The following POLH variants were observed in gnomAD, a reference collection of about 807,000 sequenced individuals.
POLH encodes the protein DNA polymerase eta, also known as DNA polymerase eta transcript.
POLH carries 53 observed loss-of-function variants against 73.6 expected under a neutral mutation model. The observed-to-expected ratio is 0.72, with a 90% confidence interval of 0.58 to 0.91. The LOEUF is 0.91. Among genes scored for constraint, POLH ranks in the 40% least tolerant of loss-of-function variants. The pLI is 0.00. For missense variants in POLH, 768 were observed against 865.4 expected, an observed-to-expected ratio of 0.89 and a Z score of 1.41; for synonymous variants, 292 against 308.5, an observed-to-expected ratio of 0.95 and a Z score of 0.56.
At position 43,613,712 on chromosome 6, in the gene POLH, G is replaced by A. The variant is rs1039201802; in HGVS notation, c.1297G>A (p.Ala433Thr). The A allele has an allele frequency of 1.2e-6, 2 of 1,613,788 alleles. No individual in the cohort carries two copies. Among genetic ancestry groups the A allele is most frequent in the African/African-American group, 2.7e-5 (2 of 74,886 alleles). Residue 433 changes from alanine to threonine, a missense_variant, in exon 11 of 11, where the codon GCC becomes ACC. Ala to Thr is a moderately conservative substitution (Grantham distance 58). Transcript: ENST00000372236. Reference sequence around the variant, plus strand: ...CTGTGCTACAAAATTTTCTGCCTCTGCCCCTTCATCTTCTACAGACATCAC... The same window carrying A: ...CTGTGCTACAAAATTTTCTGCCTCTACCCCTTCATCTTCTACAGACATCAC... ...FLCATKFSAS[A>T]PSSSTDITSF...
At chr6:43,578,523 T>TAA (rs1763649368) in intron 1 of POLH, 2 of 319,410 alleles carry the variant, frequency 6.3e-6, no homozygotes, top group South Asian at 2.5e-5. Context: ...AGACTTTGTC[T>TAA]CAAAAAAAAA....
intron 4 of POLH, among the ~76,000 whole-genome samples, chr6:43,589,636 T>G (rs958612445): frequency 5.3e-5 from 8 of 151,472 alleles, no homozygotes; most frequent in African/African-American, 1.7e-4. Context: ...TAGTTCCTTG[T>G]CTTTTTTTTT....
Position 43,616,279 on chromosome 6 carries a change from CAAAAAAA to C in POLH, c.*1732_*1738del, listed in dbSNP as rs895274732. On this transcript the variant is annotated 3_prime_UTR_variant, in exon 11 of 11. Transcript: ENST00000372236. ...TGGGTGACAGAGCGAGACTCCGTCTCAAAAAAAAAAAAAAAAGAAAAACTTCTCTTTA... is the reference window on the plus strand; with the variant it reads ...TGGGTGACAGAGCGAGACTCCGTCTCAAAAAAAAAGAAAAACTTCTCTTTA... 4.0e-5 allele frequency among the ~76,000 whole-genome samples: 3 copies of C among 74,076 alleles called. No individual in the cohort carries two copies. Among genetic ancestry groups the C allele is most frequent in the Non-Finnish European group, 5.5e-5 (2 of 36,458 alleles). 48.6% of individuals were successfully genotyped at this position (74,076 alleles called of 152,430 possible).
At chr6:43,608,098 C>A (rs1416090006) in intron 9 of POLH, among the ~76,000 whole-genome samples, 2 of 152,090 alleles carry the variant, frequency 1.3e-5, no homozygotes, top group Non-Finnish European at 2.9e-5. Context: ...CCATTGCACT[C>A]CAGCATGAGC....
intron 1 of POLH, among the ~76,000 whole-genome samples, chr6:43,581,859 G>A (rs1352336129): frequency 1.3e-5 from 2 of 150,442 alleles, no homozygotes; most frequent in African/African-American, 4.8e-5. Flanking sequence ...ACCCCAGCCC[G>A]CGGCGCCTTC....
Position 43,591,528 on chromosome 6 carries a change from A to T in POLH, c.490+4039A>T, listed in dbSNP as rs189048171. Among the ~76,000 whole-genome samples, 206 of 152,168 alleles carry T rather than the reference A, an allele frequency of 1.4e-3. 1 individual carries two copies. The highest frequency in any genetic ancestry group is 3.6e-3 in the Admixed American group (55 of 15,274). On this transcript the variant is annotated intron_variant, in intron 4 of 10. Transcript: ENST00000372236. ...GAGACGGGGTTTCGCCATGTTGGTC[A>T]GGCTGGTCTCAAACTCCTGGCATCA...
chr6:43,609,934 T>C, intron 9 of POLH, among the ~76,000 whole-genome samples: 1 of 152,122 alleles, frequency 6.6e-6, no homozygotes, highest in East Asian at 1.9e-4. Context: ...CGATGTTCCA[T>C]AATCCAAATT....
At chr6:43,582,972 A>G (rs1479826657) in intron 2 of POLH, 35 bp from the exon 3 acceptor site, 1 of 1,586,478 alleles carries the variant, frequency 6.3e-7, no homozygotes, top group Non-Finnish European at 8.6e-7. Context: ...TGATCATATA[A>G]TATGTTTTCT....
chr6:43,603,667 A>G (rs1448066858), intron 6 of POLH, among the ~76,000 whole-genome samples: 1 of 152,192 alleles, frequency 6.6e-6, no homozygotes, highest in African/African-American at 2.4e-5. Context: ...AACGTTTTAT[A>G]TACAGTTTAC....
rs925292040 is a variant in POLH at position 43,595,017 on chromosome 6, G to T, written c.491-2679G>T. Among the ~76,000 whole-genome samples the T allele has an allele frequency of 2.0e-5, 3 of 152,058 alleles. No homozygotes were observed. In the South Asian group the frequency reaches 6.2e-4, roughly 32 times the overall value. On this transcript the variant is annotated intron_variant, in intron 4 of 10. Coordinates refer to ENST00000372236, the MANE Select transcript of POLH (RefSeq NM_006502.3). ...GTTTGAGACCATCCTTGGTGACATG[G>T]TGAAACCCCGTCTCTACAAAAAATA... is the stretch of plus-strand genomic sequence containing the variant.
At chr6:43,604,793 G>A in intron 8 of POLH, 55 bp downstream of exon 8, 1 of 1,603,014 alleles carries the variant, frequency 6.2e-7, no homozygotes, top group East Asian at 2.2e-5. Flanking sequence ...CAGTGGGTAG[G>A]TTTTGGTAGC....
intron 1 of POLH, among the ~76,000 whole-genome samples, chr6:43,581,495 G>A (rs1430108486): frequency 1.4e-5 from 2 of 147,804 alleles, no homozygotes; most frequent in Non-Finnish European, 1.5e-5. Context: ...ACGGGGTGGC[G>A]GCCGGGCAGA....
At chr6:43,578,405 C>T (rs1469677602) in intron 1 of POLH, 1 of 436,804 alleles carries the variant, frequency 2.3e-6, no homozygotes. Context: ...ACAACAACAA[C>T]AAAAAACTCA....
At position 43,616,708 on chromosome 6, in the gene POLH, A is replaced by G. The variant is rs190641689; in HGVS notation, c.*2151A>G. 7.2e-5 allele frequency among the ~76,000 whole-genome samples: 11 copies of G among 152,346 alleles called. No individual in the cohort carries two copies. The East Asian group carries it at 2.1e-3, about 29-fold the overall frequency. ...TGTGAGATGAAGCCTTGAAACCCTA[A>G]AAGTGATATGGTAACTAGGGCAGGT... On this transcript the variant is annotated 3_prime_UTR_variant, in exon 11 of 11. Transcript: ENST00000372236.
chr6:43,585,084 A>G (rs918364139), intron 3 of POLH, among the ~76,000 whole-genome samples: 1 of 152,156 alleles, frequency 6.6e-6, no homozygotes, highest in African/African-American at 2.4e-5. Context: ...GCTTGAGCCC[A>G]GGAGATTGTG....
chr6:43,614,733 A>C lies in POLH; in HGVS notation c.*176A>C. The C allele has an allele frequency of 3.4e-6, 2 of 595,084 alleles. No individual in the cohort carries two copies. The highest frequency in any genetic ancestry group is 5.8e-6 in the Non-Finnish European group (2 of 346,108). 36.9% of individuals were successfully genotyped at this position (595,084 alleles called of 1,614,324 possible). A position where few individuals can be genotyped will look rare whatever the true frequency, so the allele number is the denominator to read the frequency against. On this transcript the variant is annotated 3_prime_UTR_variant, in exon 11 of 11. Coordinates refer to ENST00000372236, the MANE Select transcript of POLH (RefSeq NM_006502.3). ...CCATCTCTTCACAGGCATGGATTCTAATCCCACTGCTGACAGAGATGTAAA... is the reference window on the plus strand; with the variant it reads ...CCATCTCTTCACAGGCATGGATTCTCATCCCACTGCTGACAGAGATGTAAA...
Position 43,612,530 on chromosome 6 carries a change from A to G in POLH, c.1245-1130A>G, listed in dbSNP as rs182790426. 2.6e-5 allele frequency among the ~76,000 whole-genome samples: 4 copies of G among 152,068 alleles called. No homozygotes were observed. In the East Asian group the frequency reaches 7.8e-4, roughly 29 times the overall value. ...CCCGGCTAAATTTTGTACTTTTAGT[A>G]GAGACAGGGTTTCTCCATGTTGGCC... is the stretch of plus-strand genomic sequence containing the variant. On this transcript the variant is annotated intron_variant, in intron 10 of 10. Transcript: ENST00000372236.
chr6:43,583,980 A>G (rs1419833866), intron 3 of POLH, among the ~76,000 whole-genome samples: 1 of 152,196 alleles, frequency 6.6e-6, no homozygotes, highest in East Asian at 1.9e-4. Flanking sequence ...CATCTCTAAC[A>G]GAAAATACAA....
intron 5 of POLH, 118 bp downstream of exon 5, chr6:43,597,983 T>A: frequency 2.3e-6 from 2 of 858,726 alleles, no homozygotes; most frequent in Non-Finnish European, 3.9e-6. Context: ...CACGCCTATG[T>A]GAGTGGATCG....
Sources: gnomAD v4.1 joint callset for allele counts (sites outside exome capture counted in the v4.1 genomes callset) on GRCh38, gnomAD v4.1.1 for gene constraint, MANE v1.5 for transcripts, NCBI Gene and HGNC (gene_info 2026-07-23, HGNC 2026-07-21) for gene names.